Variants in ARHGAP15 observed in about 807,000 individuals in gnomAD.
ARHGAP15 encodes Rho GTPase activating protein 15.
ARHGAP15 carries 51 observed loss-of-function variants against 63.7 expected under a neutral mutation model. The observed-to-expected ratio is 0.80, with a 90% CI of 0.64 to 1.01. The LOEUF (loss-of-function observed/expected upper bound fraction) is 1.01, where lower values mean the gene tolerates loss of function less well. Among genes scored for constraint, ARHGAP15 ranks in the 50% least tolerant of loss-of-function variants. The pLI is 0.00. For missense variants in ARHGAP15, 560 were observed against 564.6 expected (o/e 0.99, Z 0.08); for synonymous variants, 191 against 193.8 (o/e 0.99, Z 0.12).
At chr2:143,471,256 A>C (rs1248497296) in intron 8 of ARHGAP15, among the ~76,000 whole-genome samples, 5 of 147,484 alleles carry the variant, frequency 3.4e-5, no homozygotes, top group African/African-American at 1.0e-4. Flanking sequence ...ATATACACAC[A>C]TATATATATA....
chr2:143,476,620 T>G (rs1018511963), intron 8 of ARHGAP15, among the ~76,000 whole-genome samples: 12 of 152,176 alleles, frequency 7.9e-5, no homozygotes, highest in African/African-American at 2.7e-4. Context: ...AAATAGTTTC[T>G]TTCAGGAGTA....
chr2:143,467,212 C>T lies in ARHGAP15; in HGVS notation c.704-20161C>T, dbSNP rs529587889. Among the ~76,000 whole-genome samples, 11 of 127,442 alleles carry T rather than the reference C, an allele frequency of 8.6e-5. No individual in the cohort carries two copies. The South Asian group carries it at 1.7e-3, about 20-fold the overall frequency. 83.6% of individuals were successfully genotyped at this position (127,442 alleles called of 152,430 possible). ...GAGAAAATGAAAACTTGAAATAATG[C>T]TTAGTCATGCTATTCAATTACTCCA... On this transcript the variant is annotated intron_variant, in intron 8 of 13. Transcript: ENST00000295095.
intron 5 of ARHGAP15, among the ~76,000 whole-genome samples, chr2:143,249,950 T>C (rs1680065462): frequency 2.6e-5 from 4 of 152,086 alleles, no homozygotes; most frequent in Admixed American, 2.6e-4. Flanking sequence ...TGTATTGAAT[T>C]TGCTAACATG....
chr2:143,159,130 A>G (rs777964918), intron 2 of ARHGAP15, among the ~76,000 whole-genome samples: 1 of 151,938 alleles, frequency 6.6e-6, no homozygotes, highest in African/African-American at 2.4e-5. Flanking sequence ...GCCATCATGA[A>G]CAGGAAAATA....
chr2:143,408,292 AT>A (rs201686293), intron 6 of ARHGAP15, among the ~76,000 whole-genome samples: 2 of 148,454 alleles, frequency 1.3e-5, no homozygotes, highest in African/African-American at 4.9e-5. Flanking sequence ...CTTTTAATAG[AT>A]TTTTTCTATA....
At chr2:143,544,904 A>G (rs572142121) in intron 10 of ARHGAP15, among the ~76,000 whole-genome samples, 42 of 152,218 alleles carry the variant, frequency 2.8e-4, no homozygotes, top group Non-Finnish European at 2.6e-4. Flanking sequence ...TCTCAAAAAG[A>G]AAACAGTCAT....
chr2:143,505,502 A>C (rs531667203), intron 9 of ARHGAP15, among the ~76,000 whole-genome samples: 11 of 152,338 alleles, frequency 7.2e-5, no homozygotes, highest in African/African-American at 2.6e-4. Context: ...CCCAAAGGAG[A>C]CAAAATGTTT....
intron 6 of ARHGAP15, among the ~76,000 whole-genome samples, chr2:143,430,164 G>A (rs1689319981): frequency 7.0e-6 from 1 of 143,432 alleles, no homozygotes; most frequent in South Asian, 2.2e-4. Flanking sequence ...TAATAAGAGA[G>A]TTGCCAAAGT....
intron 11 of ARHGAP15, among the ~76,000 whole-genome samples, chr2:143,560,267 A>G (rs1695966455): frequency 6.6e-6 from 1 of 152,208 alleles, no homozygotes; most frequent in African/African-American, 2.4e-5. Flanking sequence ...AATGATGATA[A>G]TAGTAATTAT....
intron 9 of ARHGAP15, among the ~76,000 whole-genome samples, chr2:143,488,729 G>T (rs375925042): frequency 2.0e-5 from 3 of 152,154 alleles, no homozygotes; most frequent in Non-Finnish European, 1.5e-5. Context: ...ATCAGTTTCC[G>T]TCCATTTTGA....
intron 8 of ARHGAP15, among the ~76,000 whole-genome samples, chr2:143,449,946 G>A (rs1690329160): frequency 6.6e-6 from 1 of 151,796 alleles, no homozygotes; most frequent in Non-Finnish European, 1.5e-5. Flanking sequence ...ACAGTAATGA[G>A]ACAGGTCTGA....
At chr2:143,618,885 G>C (rs139984603) in intron 11 of ARHGAP15, among the ~76,000 whole-genome samples, 3,297 of 151,982 alleles carry the variant, frequency 0.022, 105 homozygotes, top group African/African-American at 0.075. Flanking sequence ...AGGCGGATGG[G>C]GTGCAGTGGT....
intron 11 of ARHGAP15, among the ~76,000 whole-genome samples, chr2:143,561,024 A>T (rs1695998355): frequency 6.6e-6 from 1 of 152,188 alleles, no homozygotes; most frequent in African/African-American, 2.4e-5. Flanking sequence ...CATTGCGTTG[A>T]TTCTTCAGAA....
intron 8 of ARHGAP15, among the ~76,000 whole-genome samples, chr2:143,461,281 C>CAAAAAAAAAAAAAA (rs70982868): frequency 1.8e-5 from 1 of 55,052 alleles, no homozygotes; most frequent in Non-Finnish European, 3.0e-5. Flanking sequence ...CTCTGTCTCT[C>CAAAAAAAAAAAAAA]AAAAAAAAAA....
intron 3 of ARHGAP15, among the ~76,000 whole-genome samples, chr2:143,215,222 G>A (rs1028908071): frequency 1.3e-5 from 2 of 152,120 alleles, no homozygotes; most frequent in Non-Finnish European, 2.9e-5. Flanking sequence ...AGATGGCAGA[G>A]AAATCATGGA....
At chr2:143,358,279 G>A (rs1012372096) in intron 6 of ARHGAP15, among the ~76,000 whole-genome samples, 2 of 152,156 alleles carry the variant, frequency 1.3e-5, no homozygotes, top group African/African-American at 4.8e-5. Context: ...ATCTGGACTT[G>A]GGTAGTGACT....
chr2:143,631,210 G>C (rs142355052), intron 12 of ARHGAP15, among the ~76,000 whole-genome samples: 3 of 151,916 alleles, frequency 2.0e-5, no homozygotes, highest in Non-Finnish European at 2.9e-5. Context: ...AACACAATTT[G>C]TTCAGTTGTT....
At chr2:143,449,492 C>T (rs758624849) in intron 8 of ARHGAP15, among the ~76,000 whole-genome samples, 5 of 151,972 alleles carry the variant, frequency 3.3e-5, no homozygotes, top group Non-Finnish European at 7.4e-5. Flanking sequence ...TTCTTGAGTA[C>T]TTGAATTCAT....
chr2:143,408,712 C>T (rs1037905959), intron 6 of ARHGAP15, among the ~76,000 whole-genome samples: 4 of 151,822 alleles, frequency 2.6e-5, no homozygotes, highest in African/African-American at 9.7e-5. Flanking sequence ...AAAATATCTT[C>T]TTTAAATATA....
Sources: gnomAD v4.1 joint callset for allele counts (sites outside exome capture counted in the v4.1 genomes callset) on GRCh38, gnomAD v4.1.1 for gene constraint, MANE v1.5 for transcripts, NCBI Gene and HGNC (gene_info 2026-07-23, HGNC 2026-07-21) for gene names.